Variants in PKP4 observed in about 807,000 individuals in gnomAD.
The protein encoded by PKP4 is plakophilin-4.
In PKP4, 90 loss-of-function variants were observed where a neutral mutation model predicts 145.1. The ratio of observed to expected loss-of-function variants is 0.62; its 90% CI spans 0.52 to 0.74. The LOEUF (loss-of-function observed/expected upper bound fraction) is 0.74, where lower values mean the gene tolerates loss of function less well. PKP4 is among the 30% of genes least tolerant of loss of function. The pLI, the probability that PKP4 is intolerant of heterozygous loss-of-function variation, is 0.00. For missense variants in PKP4, 1,340 were observed against 1,482.7 expected (o/e 0.90, Z 1.58); for synonymous variants, 563 against 577.2 (o/e 0.98, Z 0.35).
At chr2:158,634,571 A>G (rs1414777577) in intron 9 of PKP4, among the ~76,000 whole-genome samples, 1 of 152,224 alleles carries the variant, frequency 6.6e-6, no homozygotes, top group Non-Finnish European at 1.5e-5. Flanking sequence ...TTTCATCAAG[A>G]CAACAACCTG....
rs1444085511 is a variant in PKP4, at chr2:158,577,329, G to C, written c.191G>C (p.Ser64Thr). Residue 64 changes from serine (S) to threonine (T), a missense_variant, in exon 3 of 22, where the codon AGT (serine) becomes ACT (threonine). Physicochemically the swap from Ser to Thr is moderately conservative, Grantham distance 58. Coordinates refer to ENST00000389759, the MANE Select transcript of PKP4 (RefSeq NM_003628.6). ...GAAGTGGAAAGGCAGATTGTTGCCAGTCAGCTAGAAAGATGTAGGCTTGGA... is the reference window on the plus strand; with the variant it reads ...GAAGTGGAAAGGCAGATTGTTGCCACTCAGCTAGAAAGATGTAGGCTTGGA... ...ELEVERQIVA[S>T]QLERCRLGAE... 2 of 1,613,462 alleles carry C rather than the reference G, an allele frequency of 1.2e-6. No individual in the cohort carries two copies. Among genetic ancestry groups the C allele is most frequent in the African/African-American group, 2.7e-5 (2 of 74,826 alleles).
chr2:158,495,757 C>G (rs1321298751), intron 1 of PKP4, among the ~76,000 whole-genome samples: 1 of 151,198 alleles, frequency 6.6e-6, no homozygotes, highest in East Asian at 2.0e-4. Flanking sequence ...TTGTGTGAAC[C>G]CAGGAGGCGG....
At chr2:158,499,540 A>G (rs1696246970) in intron 1 of PKP4, among the ~76,000 whole-genome samples, 1 of 152,230 alleles carries the variant, frequency 6.6e-6, no homozygotes, top group African/African-American at 2.4e-5. Context: ...AGAATAGCAG[A>G]GATCAGAGTA....
At chr2:158,619,912 C>A (rs1278480350) in intron 4 of PKP4, among the ~76,000 whole-genome samples, 6 of 151,942 alleles carry the variant, frequency 3.9e-5, no homozygotes, top group Non-Finnish European at 8.8e-5. Context: ...GAAGATTTTC[C>A]TAAGCTCCAT....
chr2:158,574,901 C>T (rs940189454), intron 2 of PKP4, among the ~76,000 whole-genome samples: 4 of 152,198 alleles, frequency 2.6e-5, no homozygotes, highest in African/African-American at 9.6e-5. Context: ...AGTGTAGCTA[C>T]ATCATGCATG....
rs181722342 is a variant in PKP4 at position 158,628,459 on chromosome 2, G to T, written c.1153+3032G>T. On this transcript the variant is annotated intron_variant, in intron 7 of 21. Transcript: ENST00000389759. ...TGTGTACTTGTGTTTTTAAACACAC[G>T]AGCGGGTAAACAAAAATAGTTTACT... Among the ~76,000 whole-genome samples, 426 of 152,080 alleles carry T rather than the reference G, an allele frequency of 2.8e-3. 2 individuals are homozygous for T. Among genetic ancestry groups the T allele is most frequent in the African/African-American group, 0.01 (416 of 41,470 alleles).
At chr2:158,488,573 G>C (rs1694506289) in intron 1 of PKP4, among the ~76,000 whole-genome samples, 1 of 152,282 alleles carries the variant, frequency 6.6e-6, no homozygotes, top group East Asian at 1.9e-4. Flanking sequence ...TCACTTACAT[G>C]CAGATATCCT....
chr2:158,595,767 T>TAACA (rs1318684826), intron 3 of PKP4, among the ~76,000 whole-genome samples: 1 of 152,154 alleles, frequency 6.6e-6, no homozygotes, highest in Non-Finnish European at 1.5e-5. Flanking sequence ...ATTTATCCTG[T>TAACA]AACATTCTTA....
chr2:158,478,317 G>T (rs2105426450), intron 1 of PKP4, among the ~76,000 whole-genome samples: 1 of 151,990 alleles, frequency 6.6e-6, no homozygotes, highest in African/African-American at 2.4e-5. Flanking sequence ...GAGTTAGAAT[G>T]TTGTAAAATG....
At chr2:158,624,778 G>A (rs2052593344) in intron 6 of PKP4, 100 bp from the exon 7 acceptor site, 7 of 846,944 alleles carry the variant, frequency 8.3e-6, no homozygotes, top group Middle Eastern at 2.3e-4. Context: ...TAAAATAGTG[G>A]ATTCACATTC....
rs549197892 is a variant in PKP4, at chr2:158,502,987, G to C, written c.-5-30193G>C. ...GGAATTCTTGCTAAGAAGTGTTAAA[G>C]ACTTTAGGCCTGTAATATACCTCTC... is the stretch of plus-strand genomic sequence containing the variant. On this transcript the variant is annotated intron_variant, in intron 1 of 21. Transcript: ENST00000389759. Among the ~76,000 whole-genome samples the C allele has an allele frequency of 7.2e-5, 11 of 152,260 alleles. No homozygotes were observed. In the East Asian group the frequency reaches 1.9e-3, roughly 27 times the overall value.
intron 1 of PKP4, among the ~76,000 whole-genome samples, chr2:158,485,593 TTGAA>T (rs1179905081): frequency 3.9e-5 from 6 of 152,352 alleles, no homozygotes; most frequent in South Asian, 2.1e-4. Context: ...TGTGTATTTG[TTGAA>T]TGAATGAAAA....
chr2:158,510,656 G>A (rs1328544029), intron 1 of PKP4, among the ~76,000 whole-genome samples: 1 of 152,224 alleles, frequency 6.6e-6, no homozygotes, highest in Non-Finnish European at 1.5e-5. Flanking sequence ...TGTGGGCTTT[G>A]AAATGATAAG....
intron 11 of PKP4, among the ~76,000 whole-genome samples, chr2:158,647,541 A>G (rs1479638366): frequency 6.6e-6 from 1 of 152,114 alleles, no homozygotes; most frequent in Admixed American, 6.5e-5. Flanking sequence ...CCCAGGGCCT[A>G]TATTTTTGGC....
chr2:158,661,347 C>A lies in PKP4; in HGVS notation c.2108C>A (p.Ala703Glu). The A allele has an allele frequency of 6.2e-7, 1 of 1,613,302 alleles. No homozygotes were observed. The highest frequency in any genetic ancestry group is 8.5e-7 in the Non-Finnish European group (1 of 1,179,428). Residue 703 changes from alanine to glutamate, a missense_variant, in exon 13 of 22, where the codon GCG becomes GAG. Coordinates refer to ENST00000389759, the MANE Select transcript of PKP4 (RefSeq NM_003628.6). ...CACCCCTTTAGGAACCTCAGCTCCG[C>A]GGGGGAAGAAGCTCGGAAGCAAATG... Reference protein sequence around the residue: ...TTGCLRNLSSAGEEARKQMRS... With the variant: ...TTGCLRNLSSEGEEARKQMRS...
At chr2:158,658,388 GACTT>G (rs2105969529) in intron 12 of PKP4, 74 bp downstream of exon 12, 2 of 903,690 alleles carry the variant, frequency 2.2e-6, no homozygotes, top group Non-Finnish European at 3.4e-6. Flanking sequence ...ATTTTAGGAG[GACTT>G]ACTTTATTAA....
At chr2:158,591,162 T>A (rs2049241897) in intron 3 of PKP4, among the ~76,000 whole-genome samples, 1 of 152,078 alleles carries the variant, frequency 6.6e-6, no homozygotes, top group South Asian at 2.1e-4. Context: ...TAAAACTATA[T>A]ATCAGAAGAT....
intron 17 of PKP4, among the ~76,000 whole-genome samples, chr2:158,672,699 GCT>G (rs1558993936): frequency 7.9e-5 from 12 of 152,306 alleles, no homozygotes; most frequent in African/African-American, 2.6e-4. Context: ...GGTTAGAAAG[GCT>G]TTGAGTGGGT....
intron 19 of PKP4, among the ~76,000 whole-genome samples, chr2:158,676,273 T>C (rs2058000566): frequency 6.6e-6 from 1 of 152,220 alleles, no homozygotes; most frequent in African/African-American, 2.4e-5. Flanking sequence ...AAACATGCCA[T>C]AAAACTTCTG....
Sources: allele counts gnomAD v4.1 joint callset (sites outside exome capture counted in the v4.1 genomes callset), GRCh38; gene constraint gnomAD v4.1.1; transcripts MANE v1.5; gene names NCBI Gene and HGNC (gene_info 2026-07-23, HGNC 2026-07-21).